The following TSEN15 variants were observed in gnomAD, a reference collection of about 807,000 sequenced individuals.
TSEN15 encodes tRNA splicing endonuclease subunit 15, also known as tRNA-splicing endonuclease subunit Sen15.
In TSEN15, 10 loss-of-function variants were observed where a neutral mutation model predicts 20.5. That is an observed-to-expected ratio of 0.49 (90% CI 0.30 to 0.83). TSEN15 has a LOEUF of 0.83. Among genes scored for constraint, TSEN15 ranks in the 40% least tolerant of loss-of-function variants. The pLI, the probability that TSEN15 is intolerant of heterozygous loss-of-function variation, is 0.06. For synonymous variants in TSEN15, 72 were observed against 80.1 expected (o/e 0.90, Z 0.54); for missense variants, 180 against 218.6 (o/e 0.82, Z 1.11).
intron 3 of TSEN15, among the ~76,000 whole-genome samples, chr1:184,089,101 G>A (rs764812871): frequency 3.9e-5 from 6 of 152,296 alleles, no homozygotes; most frequent in African/African-American, 1.4e-4. Context: ...ACTTTTGTGT[G>A]TGAAATTTTT....
intron 3 of TSEN15, among the ~76,000 whole-genome samples, chr1:184,087,797 G>T (rs1314098546): frequency 6.6e-6 from 1 of 152,144 alleles, no homozygotes; most frequent in African/African-American, 2.4e-5. Flanking sequence ...TCTGGCTTGG[G>T]TCATTGTGAG....
intron 3 of TSEN15, among the ~76,000 whole-genome samples, chr1:184,066,224 G>C (rs1463841571): frequency 6.7e-6 from 1 of 149,856 alleles, no homozygotes; most frequent in African/African-American, 2.4e-5. Flanking sequence ...AACACCATTT[G>C]TTGAAAAGAT....
intron 3 of TSEN15, among the ~76,000 whole-genome samples, chr1:184,062,186 T>C (rs2102884938): frequency 6.6e-6 from 1 of 152,234 alleles, no homozygotes; most frequent in South Asian, 2.1e-4. Context: ...TAAAAATACT[T>C]CCTAAAGCTA....
chr1:184,054,932 G>T, intron 3 of TSEN15, 69 bp downstream of exon 3: 1 of 1,498,972 alleles, frequency 6.7e-7, no homozygotes, highest in Non-Finnish European at 9.0e-7. Flanking sequence ...ACATAGTGAT[G>T]TAATACTTTT....
rs543940140 is a variant in TSEN15, at chr1:184,060,533, A to G, written c.353+5670A>G. On this transcript the variant is annotated intron_variant, in intron 3 of 4. Coordinates refer to ENST00000645668, the MANE Select transcript of TSEN15 (RefSeq NM_052965.4). Reference sequence around the variant, plus strand: ...GGGCTTTAAGCAAGGAAGTGAGACTATTGTTTATTCTATGTGGTTTTAAGA... The same window carrying G: ...GGGCTTTAAGCAAGGAAGTGAGACTGTTGTTTATTCTATGTGGTTTTAAGA... Among the ~76,000 whole-genome samples, 3 of 152,362 alleles carry G rather than the reference A, an allele frequency of 2.0e-5. No individual in the cohort carries two copies. The South Asian group carries it at 6.2e-4, about 32-fold the overall frequency.
intron 3 of TSEN15, among the ~76,000 whole-genome samples, chr1:184,089,295 T>C (rs1333767201): frequency 6.6e-6 from 1 of 152,238 alleles, no homozygotes; most frequent in Non-Finnish European, 1.5e-5. Context: ...TTTCCTACTG[T>C]AACCGTCAAT....
Position 184,051,811 on chromosome 1 carries a change from G to A in TSEN15, c.56G>A (p.Gly19Asp), listed in dbSNP as rs2274432. The change falls in exon 1 of 5, where the codon GGC becomes GAC. Residue 19 changes from glycine to aspartate, a missense_variant. Gly to Asp is a moderately conservative substitution (Grantham distance 94). Coordinates refer to ENST00000645668, the MANE Select transcript of TSEN15 (RefSeq NM_052965.4). ...CCCGGCTGCAGCGGCCTGGGTCCGG[G>A]CGGTGTTCGCGGCTTTGGCGACGGC... is the stretch of plus-strand genomic sequence containing the variant. ...PTPGCSGLGP[G>D]GVRGFGDGGG... 515,562 of 1,539,678 alleles carry A rather than the reference G, an allele frequency of 0.33. 89,053 individuals carry two copies. The highest frequency in any genetic ancestry group is 0.45 in the East Asian group (18,225 of 40,096).
rs534670010 is a variant in TSEN15, at chr1:184,052,840, A to C, written c.135+950A>C. On this transcript the variant is annotated intron_variant, in intron 1 of 4. Coordinates refer to ENST00000645668, the MANE Select transcript of TSEN15 (RefSeq NM_052965.4). ...AGGCAGCATATTGGTTAGGCGCATG[A>C]ACTCAAAATCAGACTCAGTTTAAAT... is the stretch of plus-strand genomic sequence containing the variant. 3.5e-4 allele frequency among the ~76,000 whole-genome samples: 53 copies of C among 152,324 alleles called. 1 individual carries two copies. Among genetic ancestry groups the C allele is most frequent in the African/African-American group, 1.3e-3 (53 of 41,584 alleles).
intron 3 of TSEN15, among the ~76,000 whole-genome samples, chr1:184,056,911 C>A (rs1650268853): frequency 2.0e-5 from 3 of 152,150 alleles, no homozygotes; most frequent in African/African-American, 7.2e-5. Context: ...ATCTGGTTAG[C>A]AAGCCTCCCT....
chr1:184,057,648 A>T (rs1186613816), intron 3 of TSEN15, among the ~76,000 whole-genome samples: 1 of 152,198 alleles, frequency 6.6e-6, no homozygotes, highest in East Asian at 1.9e-4. Context: ...CTTCTAAATT[A>T]AAGCTGCTGT....
At chr1:184,067,265 C>A (rs1398733465) in intron 3 of TSEN15, among the ~76,000 whole-genome samples, 1 of 152,176 alleles carries the variant, frequency 6.6e-6, no homozygotes. Flanking sequence ...TGTTACCACT[C>A]TGGCTTAAGC....
Position 184,072,249 on chromosome 1 carries a change from C to T in TSEN15, c.446C>T (p.Thr149Ile). Reference sequence around the variant, plus strand: ...TTGGCCATAGTGGAGTCTGATTCTACAATAGTCTATTATAAACTTACTGAT... The same window carrying T: ...TTGGCCATAGTGGAGTCTGATTCTATAATAGTCTATTATAAACTTACTGAT... ...FTLAIVESDS[T>I]IVYYKLTDGF... is the part of the protein sequence containing the mutation. The change falls in exon 4 of 5, where the codon ACA becomes ATA. Residue 149 changes from threonine (T) to isoleucine (I), a missense_variant. This residue lies in a region of TSEN15 where 28 missense variants were observed against 28.7 expected (regional missense o/e 0.98). Coordinates refer to ENST00000645668, the MANE Select transcript of TSEN15 (RefSeq NM_052965.4). 2 of 1,613,382 alleles carry T rather than the reference C, an allele frequency of 1.2e-6. No homozygotes were observed. The highest frequency in any genetic ancestry group is 8.5e-7 in the Non-Finnish European group (1 of 1,179,584).
chr1:184,064,959 A>G lies in TSEN15; in HGVS notation c.354-7198A>G, dbSNP rs543859626. Among the ~76,000 whole-genome samples, 69 of 152,284 alleles carry G rather than the reference A, an allele frequency of 4.5e-4. No individual in the cohort carries two copies. In the Middle Eastern group the frequency reaches 0.01, roughly 23 times the overall value. On this transcript the variant is annotated intron_variant, in intron 3 of 4. Coordinates refer to ENST00000645668, the MANE Select transcript of TSEN15 (RefSeq NM_052965.4). ...ATATACTGATGACTCCCAAATTTTT[A>G]TCTCCATCCCAACCTCTTCCATGAA...
At position 184,069,682 on chromosome 1, in the gene TSEN15, A is replaced by G. The variant is rs574819928; in HGVS notation, c.354-2475A>G. Among the ~76,000 whole-genome samples the G allele has an allele frequency of 1.1e-4, 17 of 152,172 alleles. No homozygotes were observed. In the South Asian group the frequency reaches 3.5e-3, roughly 32 times the overall value. On this transcript the variant is annotated intron_variant, in intron 3 of 4. Transcript: ENST00000645668. ...TAGATTGGGAAAATATAATCTGTTG[A>G]CTAAAAGGCAAAATAAACATTTTTA...
chr1:184,056,997 A>T (rs778627354), intron 3 of TSEN15, among the ~76,000 whole-genome samples: 1 of 152,130 alleles, frequency 6.6e-6, no homozygotes, highest in Non-Finnish European at 1.5e-5. Context: ...TCACTCCCTT[A>T]TGTAACTCTC....
intron 3 of TSEN15, among the ~76,000 whole-genome samples, chr1:184,080,337 G>A (rs1459623635): frequency 6.6e-6 from 1 of 152,174 alleles, no homozygotes; most frequent in Non-Finnish European, 1.5e-5. Context: ...AAGTGGTTAA[G>A]TAATAGCTCC....
intron 3 of TSEN15, 90 bp from the exon 4 acceptor site, chr1:184,072,067 C>A: frequency 7.6e-7 from 1 of 1,315,084 alleles, no homozygotes; most frequent in Non-Finnish European, 1.0e-6. Flanking sequence ...TTCTTGTGAC[C>A]TGTTTTCAAG....
In TSEN15 at chr1:184,053,465, T is replaced by C. The variant is rs142430904; in HGVS notation, c.136-889T>C. 3.1e-3 allele frequency among the ~76,000 whole-genome samples: 469 copies of C among 152,366 alleles called. 2 individuals carry two copies. The highest frequency in any genetic ancestry group is 7.3e-3 in the African/African-American group (305 of 41,578). ...GCTCAAAATTATGTTTTGGGTGTTA[T>C]TTTCAAAACATGTTTGAAGTCGACA... is the stretch of plus-strand genomic sequence containing the variant. On this transcript the variant is annotated intron_variant, in intron 1 of 4. Transcript: ENST00000645668.
chr1:184,087,904 G>C (rs561762103), intron 3 of TSEN15, among the ~76,000 whole-genome samples: 1 of 152,286 alleles, frequency 6.6e-6, no homozygotes, highest in African/African-American at 2.4e-5. Context: ...AAAAGTTTTG[G>C]TTGAGATAGT....
Sources: allele counts gnomAD v4.1 joint callset (sites outside exome capture counted in the v4.1 genomes callset), GRCh38; gene constraint gnomAD v4.1.1; regional missense constraint gnomAD v4.1.1; transcripts MANE v1.5; gene names NCBI Gene and HGNC (gene_info 2026-07-23, HGNC 2026-07-21).